Variants in ZNF420 observed in about 807,000 individuals in gnomAD.
ZNF420 encodes ATM and p53-associated KZNF protein.
ZNF420 carries 31 observed loss-of-function variants against 44.7 expected under a neutral mutation model. The ratio of observed to expected loss-of-function variants is 0.69; its 90% CI spans 0.52 to 0.94. ZNF420 has a LOEUF of 0.94. ZNF420 is among the 40% of genes least tolerant of loss of function. The pLI, the probability that ZNF420 is intolerant of heterozygous loss-of-function variation, is 0.00. For synonymous variants in ZNF420, 245 were observed against 267.4 expected, an observed-to-expected ratio of 0.92 and a Z score of 0.82; for missense variants, 681 against 827.9, an observed-to-expected ratio of 0.82 and a Z score of 2.18.
intron 4 of ZNF420, chr19:37,091,936 C>CAAAAAAAAAAAA (rs35232183): frequency 7.4e-6 from 1 of 134,594 alleles, no homozygotes. Flanking sequence ...TCTCAAAAAA[C>CAAAAAAAAAAAA]AAAAAAAAAA....
chr19:37,130,223 G>A lies in ZNF420; in HGVS notation c.*1165G>A, dbSNP rs552208858. On this transcript the variant is annotated 3_prime_UTR_variant, in exon 5 of 5. Transcript: ENST00000337995. ...ATCATGGAGCAGAAATACAGAAGGA[G>A]TCTGCAACCCTGATGACTTTGTGGA... 5 of 1,546,876 alleles carry A rather than the reference G, an allele frequency of 3.2e-6. 1 individual carries two copies. The South Asian group carries it at 6.0e-5, about 19-fold the overall frequency.
intron 1 of ZNF420, among the ~76,000 whole-genome samples, chr19:37,065,918 A>AC (rs1967960017): frequency 6.6e-6 from 1 of 152,134 alleles, no homozygotes; most frequent in Non-Finnish European, 1.5e-5. Flanking sequence ...ATGAACTTCA[A>AC]CCCCTACCTG....
chr19:37,054,866 C>A (rs1967712185), intron 1 of ZNF420, among the ~76,000 whole-genome samples: 1 of 152,160 alleles, frequency 6.6e-6, no homozygotes, highest in Admixed American at 6.5e-5. Flanking sequence ...AACACAGAAA[C>A]ACAAGATGAA....
chr19:37,084,712 G>T (rs1027865201), intron 2 of ZNF420, among the ~76,000 whole-genome samples: 2 of 151,938 alleles, frequency 1.3e-5, no homozygotes, highest in Admixed American at 1.3e-4. Flanking sequence ...TAATATCCAT[G>T]GGATGATTTG....
At chr19:37,101,385 C>T (rs1175526285) in intron 4 of ZNF420, among the ~76,000 whole-genome samples, 1 of 152,162 alleles carries the variant, frequency 6.6e-6, no homozygotes, top group Non-Finnish European at 1.5e-5. Context: ...GTCCCAGCTA[C>T]TCAGGAGGCT....
chr19:37,095,129 CAAAAAAAA>C (rs57353744), intron 4 of ZNF420, among the ~76,000 whole-genome samples: 1 of 63,404 alleles, frequency 1.6e-5, no homozygotes, highest in Non-Finnish European at 3.8e-5. Context: ...GACTCTGTCT[CAAAAAAAA>C]AAAAAAAAAA....
chr19:37,062,180 G>A (rs565822983), intron 1 of ZNF420, among the ~76,000 whole-genome samples: 1 of 152,318 alleles, frequency 6.6e-6, no homozygotes, highest in South Asian at 2.1e-4. Context: ...CTCCTCAGAT[G>A]TGGAGAATCA....
intron 4 of ZNF420, among the ~76,000 whole-genome samples, chr19:37,103,659 C>T (rs1969903453): frequency 6.6e-6 from 1 of 152,148 alleles, no homozygotes. Flanking sequence ...TAACATGTAA[C>T]CTTTTTGTGC....
chr19:37,042,732 T>C (rs1967477922), intron 1 of ZNF420, among the ~76,000 whole-genome samples: 1 of 152,208 alleles, frequency 6.6e-6, no homozygotes, highest in African/African-American at 2.4e-5. Context: ...TTTAATTTCC[T>C]TTGAGAACTT....
intron 1 of ZNF420, among the ~76,000 whole-genome samples, chr19:37,070,323 T>C (rs1285742179): frequency 1.3e-5 from 2 of 152,078 alleles, no homozygotes; most frequent in African/African-American, 4.8e-5. Flanking sequence ...ACTATAAACC[T>C]TTAAGAAGAT....
chr19:37,031,704 GGTTTT>G, intron 1 of ZNF420, among the ~76,000 whole-genome samples: 1 of 151,928 alleles, frequency 6.6e-6, no homozygotes, highest in Middle Eastern at 3.4e-3. Flanking sequence ...GTAGAGACAG[GGTTTT>G]GCATGTTGGC....
At position 37,127,327 on chromosome 19, in the gene ZNF420, C is replaced by G; in HGVS notation, c.336C>G (p.Ile112Met). The change falls in exon 5 of 5, where the codon ATC becomes ATG. Residue 112 changes from isoleucine to methionine, a missense_variant. This residue lies in a region of ZNF420 where 350 missense variants were observed against 382.5 expected (regional missense o/e 0.92). Coordinates refer to ENST00000337995, the MANE Select transcript of ZNF420 (RefSeq NM_144689.5). The part of the protein sequence containing the change: ...NQKEYFRQGM[I>M]IYDKMSIFNQ... ...AGGAATATTTCAGGCAAGGGATGAT[C>G]ATATATGACAAAATGTCCATTTTCA... The G allele has an allele frequency of 6.2e-7, 1 of 1,612,038 alleles. No individual in the cohort carries two copies. Among genetic ancestry groups the G allele is most frequent in the Non-Finnish European group, 8.5e-7 (1 of 1,178,730 alleles).
chr19:37,127,075 C>T, intron 4 of ZNF420, 53 bp from the exon 5 acceptor site: 4 of 1,381,196 alleles, frequency 2.9e-6, no homozygotes, highest in East Asian at 2.5e-5. Context: ...TATTATTTGT[C>T]TTTTCTATAG....
At chr19:37,054,094 A>T (rs1738283838) in intron 1 of ZNF420, among the ~76,000 whole-genome samples, 1 of 152,030 alleles carries the variant, frequency 6.6e-6, no homozygotes. Flanking sequence ...GCCCCCTTGC[A>T]GTTTGATCTC....
At chr19:37,103,910 T>C (rs1969917824) in intron 4 of ZNF420, among the ~76,000 whole-genome samples, 1 of 152,094 alleles carries the variant, frequency 6.6e-6, no homozygotes, top group African/African-American at 2.4e-5. Context: ...TCTTTGCTAC[T>C]TTTTACAGAA....
At position 37,091,106 on chromosome 19, in the gene ZNF420, A is replaced by G; in HGVS notation, c.121A>G (p.Asn41Asp). Reference sequence around the variant, plus strand: ...AGATGTGATGTTGGAGAACTATAGCAACTTGGTATCACTAGGTAAGGAATC... The same window carrying G: ...AGATGTGATGTTGGAGAACTATAGCGACTTGGTATCACTAGGTAAGGAATC... Reference protein sequence around the residue: ...YRDVMLENYSNLVSLDLPSRC... With the variant: ...YRDVMLENYSDLVSLDLPSRC... Residue 41 changes from asparagine to aspartate, a missense_variant, in exon 4 of 5, where the codon AAC becomes GAC. By Grantham distance (23) the Asn-to-Asp change is conservative (BLOSUM62 1). Transcript: ENST00000337995. 3 of 1,591,744 alleles carry G rather than the reference A, an allele frequency of 1.9e-6. No homozygotes were observed. The highest frequency in any genetic ancestry group is 1.7e-6 in the Non-Finnish European group (2 of 1,170,408).
chr19:37,124,262 G>T (rs2145327019), intron 4 of ZNF420, among the ~76,000 whole-genome samples: 1 of 152,238 alleles, frequency 6.6e-6, no homozygotes, highest in African/African-American at 2.4e-5. Context: ...ATTTGTTTCT[G>T]TTATTGTTGA....
intron 2 of ZNF420, among the ~76,000 whole-genome samples, chr19:37,086,017 G>C (rs1236043652): frequency 6.6e-6 from 1 of 150,794 alleles, no homozygotes; most frequent in Non-Finnish European, 1.5e-5. Context: ...GCCCAGGCTG[G>C]TCTCAAACTT....
At chr19:37,052,045 C>T (rs929771262) in intron 1 of ZNF420, among the ~76,000 whole-genome samples, 1 of 152,106 alleles carries the variant, frequency 6.6e-6, no homozygotes, top group South Asian at 2.1e-4. Flanking sequence ...TCTGGGTGCT[C>T]CTGTATTGGA....
Sources: allele counts gnomAD v4.1 joint callset (sites outside exome capture counted in the v4.1 genomes callset), GRCh38; gene constraint gnomAD v4.1.1; regional missense constraint gnomAD v4.1.1; transcripts MANE v1.5; gene names NCBI Gene and HGNC (gene_info 2026-07-23, HGNC 2026-07-21).